Variants in TMPRSS6 observed in about 807,000 individuals in gnomAD.
The protein encoded by TMPRSS6 is transmembrane protease serine 6.
A neutral mutation model predicts 101.5 loss-of-function variants in TMPRSS6; 67 were observed. That is an observed-to-expected ratio of 0.66 (90% CI 0.54 to 0.81). The LOEUF is 0.81. TMPRSS6 is among the 30% of genes least tolerant of loss of function. The pLI is 0.00. For missense variants in TMPRSS6, 1,034 were observed against 1,088.7 expected, an observed-to-expected ratio of 0.95 and a Z score of 0.71; for synonymous variants, 453 against 464.9, an observed-to-expected ratio of 0.97 and a Z score of 0.33.
chr22:37,106,854 T>A (rs1212581331), intron 1 of TMPRSS6, among the ~76,000 whole-genome samples: 1 of 152,168 alleles, frequency 6.6e-6, no homozygotes, highest in Non-Finnish European at 1.5e-5. Context: ...CTGCCTGGAC[T>A]GTGGGGAACT....
chr22:37,072,200 AATGG>A (rs1240833242), intron 13 of TMPRSS6, among the ~76,000 whole-genome samples: 4 of 57,536 alleles, frequency 7.0e-5, no homozygotes, highest in African/African-American at 1.4e-4. Context: ...ATGATGGATG[AATGG>A]ATGGATGGAT....
At chr22:37,082,780 C>G (rs1260469011) in intron 10 of TMPRSS6, 2 of 361,474 alleles carry the variant, frequency 5.5e-6, no homozygotes, top group African/African-American at 4.3e-5. Context: ...CCATATCACC[C>G]CCAACAGCAC....
chr22:37,081,728 C>T lies in TMPRSS6; in HGVS notation c.1196+2567G>A, dbSNP rs1928288162. 2.6e-5 allele frequency among the ~76,000 whole-genome samples: 4 copies of T among 152,312 alleles called. 1 individual carries two copies. The South Asian group carries it at 6.2e-4, about 24-fold the overall frequency. On this transcript the variant is annotated intron_variant, in intron 10 of 17. Coordinates refer to ENST00000676104, the MANE Select transcript of TMPRSS6 (RefSeq NM_001374504.1). ...GCCACCGCTTGGCTACACCCTGAAGCCCATCTCCACCACTGAAAGGCAGAA... is the reference window on the plus strand; with the variant it reads ...GCCACCGCTTGGCTACACCCTGAAGTCCATCTCCACCACTGAAAGGCAGAA...
chr22:37,085,486 G>A (rs1204338671), intron 8 of TMPRSS6, among the ~76,000 whole-genome samples: 1 of 152,224 alleles, frequency 6.6e-6, no homozygotes, highest in Admixed American at 6.5e-5. Context: ...ACCCTGAGTG[G>A]GAGGGAGAAG....
chr22:37,087,917 G>A (rs892860954), intron 7 of TMPRSS6, among the ~76,000 whole-genome samples: 1 of 152,100 alleles, frequency 6.6e-6, no homozygotes, highest in African/African-American at 2.4e-5. Context: ...CACCTGCTCT[G>A]TCTTCCCATC....
At chr22:37,066,274 T>C (rs1204704993) in intron 17 of TMPRSS6, 36 bp from the exon 18 acceptor site, 2 of 1,571,238 alleles carry the variant, frequency 1.3e-6, no homozygotes, top group Non-Finnish European at 1.7e-6. Context: ...TGAAGCAGGG[T>C]AAGGGCACCC....
intron 6 of TMPRSS6, among the ~76,000 whole-genome samples, chr22:37,092,117 C>T (rs1433847202): frequency 5.3e-5 from 8 of 149,582 alleles, no homozygotes; most frequent in Non-Finnish European, 8.9e-5. Context: ...AGACGAATTC[C>T]GTGGAGAGGT....
chr22:37,088,239 C>G (rs1004988989), intron 7 of TMPRSS6, among the ~76,000 whole-genome samples: 1 of 152,106 alleles, frequency 6.6e-6, no homozygotes, highest in Non-Finnish European at 1.5e-5. Context: ...ACGCACATGC[C>G]GCAGATCGAG....
At position 37,103,523 on chromosome 22, in the gene TMPRSS6, T is replaced by C; in HGVS notation, c.-1-105A>G. On this transcript the variant is annotated intron_variant, in intron 1 of 17. Coordinates refer to ENST00000676104, the MANE Select transcript of TMPRSS6 (RefSeq NM_001374504.1). The surrounding 1 kb of genome is among the most constrained non-coding windows in gnomAD (Gnocchi z 4.4). ...AGCAGGACTTCCCTGCCTTTTGGAG[T>C]GGAAGAGTAACAACATCAGGCGGCA... is the stretch of plus-strand genomic sequence containing the variant. 1 of 1,613,532 alleles carries C rather than the reference T, an allele frequency of 6.2e-7. No homozygotes were observed. The highest frequency in any genetic ancestry group is 8.5e-7 in the Non-Finnish European group (1 of 1,179,882).
chr22:37,106,135 AC>A (rs1930698030), intron 1 of TMPRSS6, among the ~76,000 whole-genome samples: 1 of 149,274 alleles, frequency 6.7e-6, no homozygotes, highest in Non-Finnish European at 1.5e-5. Flanking sequence ...GATCACTCCT[AC>A]TTTACAGATG....
chr22:37,096,862 T>C, intron 3 of TMPRSS6, 147 bp from the exon 4 acceptor site: 3 of 806,054 alleles, frequency 3.7e-6, no homozygotes, highest in Non-Finnish European at 6.3e-6. Context: ...GGTCACACAG[T>C]GCTGAGTGGC....
chr22:37,076,016 AAGAAAG>A (rs998032047), intron 10 of TMPRSS6, among the ~76,000 whole-genome samples: 293 of 149,940 alleles, frequency 2.0e-3, no homozygotes, highest in African/African-American at 6.5e-3. Context: ...AGAAAGAAAG[AAGAAAG>A]AGAAAGAGAA....
At position 37,101,552 on chromosome 22, in the gene TMPRSS6, C is replaced by A. The variant is rs1478604923; in HGVS notation, c.202+1664G>T. Among the ~76,000 whole-genome samples the A allele has an allele frequency of 6.6e-6, 1 of 152,040 alleles. No individual in the cohort carries two copies. Among genetic ancestry groups the A allele is most frequent in the Non-Finnish European group, 1.5e-5 (1 of 67,980 alleles). On this transcript the variant is annotated intron_variant, in intron 2 of 17. Coordinates refer to ENST00000676104, the MANE Select transcript of TMPRSS6 (RefSeq NM_001374504.1). This position sits in a 1 kb window ranked among gnomAD's most constrained non-coding sequence, Gnocchi z 4.1. ...GTCTCTGATCCACTTCCTTGCCCAG[C>A]GCCCAGTCCCAGGAGCACAGCCTGG...
chr22:37,075,977 GAA>G (rs991523687), intron 10 of TMPRSS6, among the ~76,000 whole-genome samples: 2 of 138,118 alleles, frequency 1.4e-5, no homozygotes, highest in Admixed American at 7.4e-5. Context: ...GAGGGAAAAA[GAA>G]AGAAAGAAAG....
intron 14 of TMPRSS6, 98 bp downstream of exon 14, chr22:37,070,818 G>A: frequency 7.3e-7 from 1 of 1,372,004 alleles, no homozygotes; most frequent in Non-Finnish European, 1.0e-6. Flanking sequence ...GAGATAGAGA[G>A]AGACCAGGGG....
At chr22:37,089,544 GCCCTCCCTCCT>G in intron 7 of TMPRSS6, 23 bp downstream of exon 7, 1 of 1,348,864 alleles carries the variant, frequency 7.4e-7, no homozygotes, top group Non-Finnish European at 1.0e-6. Context: ...CCCTTTTCCA[GCCCTCCCTCCT>G]GCCCTCCTTC....
chr22:37,096,404 T>C (rs1929769334), intron 4 of TMPRSS6, among the ~76,000 whole-genome samples: 2 of 152,206 alleles, frequency 1.3e-5, no homozygotes, highest in Non-Finnish European at 2.9e-5. Context: ...CCTCGCCTGA[T>C]GGTGTCAGGC....
intron 6 of TMPRSS6, among the ~76,000 whole-genome samples, chr22:37,091,598 G>A (rs919158682): frequency 2.6e-4 from 40 of 152,218 alleles, no homozygotes; most frequent in Non-Finnish European, 1.5e-5. Context: ...CCAGGCTGCA[G>A]TGAGCCAGTC....
At chr22:37,095,029 G>A (rs1929624582) in intron 6 of TMPRSS6, among the ~76,000 whole-genome samples, 1 of 152,228 alleles carries the variant, frequency 6.6e-6, no homozygotes, top group African/African-American at 2.4e-5. Flanking sequence ...AGAAATGCAA[G>A]GTGACTCTAG....
Sources: allele counts gnomAD v4.1 joint callset (sites outside exome capture counted in the v4.1 genomes callset), GRCh38; gene constraint gnomAD v4.1.1; non-coding constraint Gnocchi (gnomAD v3.1); transcripts MANE v1.5; gene names NCBI Gene and HGNC (gene_info 2026-07-23, HGNC 2026-07-21).